Variants in EPHA6 observed in about 807,000 individuals in gnomAD.
The protein encoded by EPHA6 is EPH receptor A6.
EPHA6 carries 50 observed loss-of-function variants against 112.0 expected under a neutral mutation model. The observed-to-expected ratio is 0.45, with a 90% CI of 0.36 to 0.56. The LOEUF (loss-of-function observed/expected upper bound fraction) is 0.56. EPHA6 is among the 20% of genes least tolerant of loss of function. The probability of loss-of-function intolerance (pLI) is 0.00; values close to 1 mark genes in which losing one functional copy is unlikely to be tolerated. For synonymous variants in EPHA6, 529 were observed against 490.7 expected (o/e 1.08, Z -1.03); for missense variants, 1,280 against 1,417.4 (o/e 0.90, Z 1.56).
At chr3:97,398,442 G>A (rs1044541341) in intron 5 of EPHA6, among the ~76,000 whole-genome samples, 2 of 151,106 alleles carry the variant, frequency 1.3e-5, no homozygotes, top group Non-Finnish European at 3.0e-5. Context: ...ATTTATTAAT[G>A]GTGGTTTATT....
chr3:97,079,514 G>A (rs1302568712), intron 3 of EPHA6, among the ~76,000 whole-genome samples: 1 of 151,398 alleles, frequency 6.6e-6, no homozygotes, highest in African/African-American at 2.4e-5. Context: ...CTTAATACCT[G>A]GGTGATGAAC....
At chr3:96,938,733 T>A (rs571499339) in intron 2 of EPHA6, among the ~76,000 whole-genome samples, 1 of 151,658 alleles carries the variant, frequency 6.6e-6, no homozygotes, top group Admixed American at 6.6e-5. Context: ...CAGTGTGATA[T>A]TGGCTGTGGG....
Position 96,814,639 on chromosome 3 carries a change from C to G in EPHA6, c.16C>G (p.Pro6Ala). The change falls in exon 1 of 18, where the codon CCT (proline) becomes GCT (alanine). Residue 6 changes from proline (P) to alanine (A), a missense_variant. By Grantham distance (27) the Pro-to-Ala change is conservative. Transcript: ENST00000389672. Reference protein sequence around the residue: MQFPSPPAARSSPAPQ... With the variant: MQFPSAPAARSSPAPQ... Reference sequence around the variant, plus strand: ...ACTGTGGTGGATGCAATTCCCCTCGCCTCCAGCCGCGAGGAGCTCCCCGGC... The same window carrying G: ...ACTGTGGTGGATGCAATTCCCCTCGGCTCCAGCCGCGAGGAGCTCCCCGGC... 6.8e-7 allele frequency: 1 copy of G among 1,471,950 alleles called. No homozygotes were observed. Among genetic ancestry groups the G allele is most frequent in the Non-Finnish European group, 9.0e-7 (1 of 1,111,830 alleles). The allele number at this position is 1,471,950 out of a possible 1,614,324, so 91.2% of individuals were successfully genotyped here. A position where few individuals can be genotyped will look rare whatever the true frequency, so the allele number is the denominator to read the frequency against.
At chr3:97,313,608 C>G (rs2081661202) in intron 5 of EPHA6, among the ~76,000 whole-genome samples, 1 of 151,506 alleles carries the variant, frequency 6.6e-6, no homozygotes, top group Non-Finnish European at 1.5e-5. Flanking sequence ...CTCTTTGTGA[C>G]TTTAATTTGC....
chr3:97,295,554 ATTT>A (rs201395783), intron 5 of EPHA6, among the ~76,000 whole-genome samples: 3 of 137,058 alleles, frequency 2.2e-5, no homozygotes, highest in African/African-American at 7.8e-5. Flanking sequence ...AATATTTTGA[ATTT>A]TTTTTTTTTT....
intron 4 of EPHA6, 63 bp from the exon 5 acceptor site, chr3:97,243,889 A>C: frequency 7.9e-7 from 1 of 1,268,454 alleles, no homozygotes. Flanking sequence ...TGAAGTTTTC[A>C]TTTTAGCGCC....
chr3:97,245,794 A>G (rs759479657), intron 5 of EPHA6, among the ~76,000 whole-genome samples: 66 of 151,816 alleles, frequency 4.3e-4, no homozygotes, highest in Non-Finnish European at 9.0e-4. Context: ...TTGTGGTGAT[A>G]GTTACCTGAC....
chr3:97,125,902 A>G (rs2048170050), intron 3 of EPHA6, among the ~76,000 whole-genome samples: 2 of 152,168 alleles, frequency 1.3e-5, no homozygotes, highest in Non-Finnish European at 2.9e-5. Context: ...GGACATAAGT[A>G]AAGACCATTG....
At position 96,814,993 on chromosome 3, in the gene EPHA6, G is replaced by A. The variant is rs999544585; in HGVS notation, c.370G>A (p.Val124Ile). The A allele has an allele frequency of 3.3e-6, 5 of 1,523,620 alleles. No individual in the cohort carries two copies. The African/African-American group carries it at 6.9e-5, about 21-fold the overall frequency. The allele number at this position is 1,523,620 out of a possible 1,614,324, so 94.4% of individuals were successfully genotyped here. The change falls in exon 1 of 18, where the codon GTC becomes ATC. Residue 124 changes from valine to isoleucine, a missense_variant. By Grantham distance (29) the Val-to-Ile change is conservative. Coordinates refer to ENST00000389672, the MANE Select transcript of EPHA6 (RefSeq NM_001080448.3). ...LTAWPGDCSH[V>I]SNNQVVLLDT... is the part of the protein sequence containing the mutation. ...AGCGTGGCCAGGCGACTGCAGTCAC[G>A]TCTCCAACAACCAAGGTAAGGGACG...
At chr3:97,325,635 C>T (rs11925793) in intron 5 of EPHA6, among the ~76,000 whole-genome samples, 8,416 of 152,058 alleles carry the variant, frequency 0.055, 668 homozygotes, top group African/African-American at 0.18. Context: ...CTCAGTGAGC[C>T]TGGAGGTAGT....
intron 5 of EPHA6, among the ~76,000 whole-genome samples, chr3:97,299,585 A>G (rs535972857): frequency 6.6e-6 from 1 of 152,146 alleles, no homozygotes; most frequent in Non-Finnish European, 1.5e-5. Flanking sequence ...TGTGTAAGGA[A>G]GTTTTAAGAA....
At chr3:97,000,115 A>G (rs184614667) in intron 3 of EPHA6, among the ~76,000 whole-genome samples, 1 of 151,830 alleles carries the variant, frequency 6.6e-6, no homozygotes, top group East Asian at 1.9e-4. Flanking sequence ...AAAAAGTTAT[A>G]CCAAGGCTAT....
At chr3:96,934,694 A>G (rs945362394) in intron 2 of EPHA6, among the ~76,000 whole-genome samples, 1 of 151,388 alleles carries the variant, frequency 6.6e-6, no homozygotes, top group Admixed American at 6.6e-5. Context: ...TCAAATATTA[A>G]TGGTTTATAT....
At chr3:97,017,285 C>G (rs567975954) in intron 3 of EPHA6, among the ~76,000 whole-genome samples, 2 of 152,142 alleles carry the variant, frequency 1.3e-5, no homozygotes, top group East Asian at 3.9e-4. Flanking sequence ...GAGTGAGAAT[C>G]TGTGTGTCTG....
intron 14 of EPHA6, among the ~76,000 whole-genome samples, chr3:97,707,389 A>G (rs912821019): frequency 3.3e-5 from 5 of 152,214 alleles, no homozygotes; most frequent in Non-Finnish European, 7.3e-5. Context: ...TAGTACGTAG[A>G]GGTTACATGA....
intron 5 of EPHA6, among the ~76,000 whole-genome samples, chr3:97,279,861 G>A (rs1217854362): frequency 6.6e-6 from 1 of 152,000 alleles, no homozygotes; most frequent in African/African-American, 2.4e-5. Flanking sequence ...ATGCTCCCTA[G>A]CATTTCTTTT....
intron 5 of EPHA6, among the ~76,000 whole-genome samples, chr3:97,265,918 AGGCATTG>A (rs2079665475): frequency 6.6e-6 from 1 of 152,248 alleles, no homozygotes; most frequent in South Asian, 2.1e-4. Flanking sequence ...TTATAAAAGC[AGGCATTG>A]GGCTTGATTT....
intron 3 of EPHA6, among the ~76,000 whole-genome samples, chr3:97,188,128 A>G (rs2077204441): frequency 2.0e-5 from 3 of 152,118 alleles, no homozygotes; most frequent in Admixed American, 1.3e-4. Flanking sequence ...TTCCAGGAAA[A>G]TATTCCCACA....
At chr3:97,170,596 G>T (rs952508610) in intron 3 of EPHA6, among the ~76,000 whole-genome samples, 1 of 152,012 alleles carries the variant, frequency 6.6e-6, no homozygotes. Context: ...AATTACCCAG[G>T]TGTCATGGTG....
Sources: gnomAD v4.1 joint callset for allele counts (sites outside exome capture counted in the v4.1 genomes callset) on GRCh38, gnomAD v4.1.1 for gene constraint, MANE v1.5 for transcripts, NCBI Gene and HGNC (gene_info 2026-07-23, HGNC 2026-07-21) for gene names.